Variants in LRRC7 observed in about 807,000 individuals in gnomAD.
LRRC7 encodes leucine-rich repeat-containing protein 7.
LRRC7 carries 23 observed loss-of-function variants against 175.7 expected under a neutral mutation model. The observed-to-expected ratio is 0.13, with a 90% CI of 0.09 to 0.19. The LOEUF (loss-of-function observed/expected upper bound fraction) is 0.19, where lower values mean the gene tolerates loss of function less well. LRRC7 is among the 10% of genes least tolerant of loss of function. The pLI, the probability that LRRC7 is intolerant of heterozygous loss-of-function variation, is 1.00. For synonymous variants in LRRC7, 685 were observed against 680.9 expected, an observed-to-expected ratio of 1.01 and a Z score of -0.09; for missense variants, 1,354 against 1,904.7, an observed-to-expected ratio of 0.71 and a Z score of 5.38.
rs553010253 is a variant in LRRC7 at position 69,908,960 on chromosome 1, C to T, written c.648-22547C>T. ...TTTATGAGTCTGGGTGCTCCTGTAT[C>T]GGGTGCATATATATTTAGGATAGTT... is the stretch of plus-strand genomic sequence containing the variant. On this transcript the variant is annotated intron_variant, in intron 7 of 26. Coordinates refer to ENST00000651989, the MANE Select transcript of LRRC7 (RefSeq NM_001370785.2). 6.0e-3 allele frequency among the ~76,000 whole-genome samples: 906 copies of T among 151,252 alleles called. 2 individuals are homozygous for T. Among genetic ancestry groups the T allele is most frequent in the African/African-American group, 0.02 (816 of 40,776 alleles).
chr1:69,569,646 G>A (rs1036268316), intron 1 of LRRC7, among the ~76,000 whole-genome samples: 1 of 151,942 alleles, frequency 6.6e-6, no homozygotes, highest in Non-Finnish European at 1.5e-5. Flanking sequence ...TCATAATAAC[G>A]GAGATGGCTG....
chr1:70,121,771 T>G lies in LRRC7; in HGVS notation c.4621-9T>G. The G allele has an allele frequency of 1.9e-6, 3 of 1,561,908 alleles. No individual in the cohort carries two copies. The highest frequency in any genetic ancestry group is 2.6e-6 in the Non-Finnish European group (3 of 1,136,020). ...CATTGATTGCCCTGTTTTATTTGTG[T>G]ATTTACAGGCAAATGGACACAGTTT... On this transcript the variant is annotated splice_polypyrimidine_tract_variant and intron_variant, in intron 26 of 26. Transcript: ENST00000651989.
chr1:69,913,615 G>T (rs781296656), intron 7 of LRRC7, among the ~76,000 whole-genome samples: 1 of 152,018 alleles, frequency 6.6e-6, no homozygotes, highest in Non-Finnish European at 1.5e-5. Context: ...GGGTTCAAGC[G>T]ATTCTCCTGC....
chr1:69,914,106 T>G (rs1313857116), intron 7 of LRRC7, among the ~76,000 whole-genome samples: 6 of 152,152 alleles, frequency 3.9e-5, no homozygotes, highest in Non-Finnish European at 8.8e-5. Flanking sequence ...CCTGTCCTTG[T>G]GCCATGAATA....
At chr1:69,830,246 C>T (rs1006522427) in intron 5 of LRRC7, among the ~76,000 whole-genome samples, 3 of 151,696 alleles carry the variant, frequency 2.0e-5, no homozygotes, top group Non-Finnish European at 4.4e-5. Flanking sequence ...TAGTAAATTA[C>T]AGTACATCTA....
chr1:69,642,468 T>A (rs1018350843), intron 1 of LRRC7, among the ~76,000 whole-genome samples: 7 of 152,012 alleles, frequency 4.6e-5, no homozygotes, highest in Non-Finnish European at 8.8e-5. Context: ...AGTAAGGAGA[T>A]CTATTATAGT....
At chr1:70,117,263 A>T (rs971660785) in intron 26 of LRRC7, among the ~76,000 whole-genome samples, 2 of 152,196 alleles carry the variant, frequency 1.3e-5, no homozygotes, top group African/African-American at 4.8e-5. Context: ...AGAGCTTTGG[A>T]TAATAAGAAT....
intron 1 of LRRC7, among the ~76,000 whole-genome samples, chr1:69,620,592 T>C (rs1452376058): frequency 2.0e-5 from 3 of 152,162 alleles, no homozygotes; most frequent in Non-Finnish European, 2.9e-5. Context: ...AGTGTCTTGG[T>C]GTATGTCCAG....
intron 7 of LRRC7, among the ~76,000 whole-genome samples, chr1:69,880,322 G>C (rs2101609158): frequency 6.6e-6 from 1 of 152,288 alleles, no homozygotes; most frequent in East Asian, 1.9e-4. Flanking sequence ...GAGGTGAGAG[G>C]ACATCAGGAG....
chr1:69,655,959 A>G (rs967714574), intron 1 of LRRC7, among the ~76,000 whole-genome samples: 4 of 152,050 alleles, frequency 2.6e-5, no homozygotes, highest in African/African-American at 9.7e-5. Context: ...TACATATTGA[A>G]ATTAATGTTT....
intron 2 of LRRC7, among the ~76,000 whole-genome samples, chr1:69,693,879 T>C (rs891838298): frequency 9.2e-5 from 14 of 152,334 alleles, no homozygotes; most frequent in African/African-American, 3.4e-4. Flanking sequence ...TTAACAGTAC[T>C]TTGTATTTTA....
At chr1:69,755,613 A>G (rs1326616975) in intron 2 of LRRC7, among the ~76,000 whole-genome samples, 1 of 151,726 alleles carries the variant, frequency 6.6e-6, no homozygotes, top group African/African-American at 2.4e-5. Context: ...CAACATTATA[A>G]CAAAGTACCC....
intron 1 of LRRC7, among the ~76,000 whole-genome samples, chr1:69,616,492 A>C (rs1314901051): frequency 6.6e-6 from 1 of 152,076 alleles, no homozygotes; most frequent in Non-Finnish European, 1.5e-5. Flanking sequence ...TTAAGCAATC[A>C]AAGTTTCGGC....
intron 8 of LRRC7, among the ~76,000 whole-genome samples, chr1:69,940,028 C>T (rs570740416): frequency 9.2e-5 from 14 of 152,178 alleles, no homozygotes; most frequent in African/African-American, 1.7e-4. Flanking sequence ...TAAATACATA[C>T]GCACAGGCAA....
chr1:69,964,405 C>T (rs1365715162), intron 8 of LRRC7, among the ~76,000 whole-genome samples: 1 of 152,154 alleles, frequency 6.6e-6, no homozygotes, highest in Admixed American at 6.5e-5. Flanking sequence ...TGAACTCAGT[C>T]CACCTCCTGA....
At chr1:69,765,821 T>C (rs1671564780) in intron 3 of LRRC7, among the ~76,000 whole-genome samples, 1 of 152,102 alleles carries the variant, frequency 6.6e-6, no homozygotes, top group African/African-American at 2.4e-5. Context: ...AGACATTCTA[T>C]CTAGACTCCT....
At chr1:69,694,212 G>A (rs1019049145) in intron 2 of LRRC7, among the ~76,000 whole-genome samples, 1 of 152,100 alleles carries the variant, frequency 6.6e-6, no homozygotes, top group East Asian at 1.9e-4. Context: ...TTCCCTTAGG[G>A]CAAGGCAATT....
At chr1:70,024,886 T>A (rs1329438529) in intron 17 of LRRC7, among the ~76,000 whole-genome samples, 1 of 152,106 alleles carries the variant, frequency 6.6e-6, no homozygotes, top group African/African-American at 2.4e-5. Flanking sequence ...TAAATTATAG[T>A]TTCATCTTTA....
rs1667682632 is a variant in LRRC7 at position 69,732,457 on chromosome 1, G to A, written c.101-27734G>A. Reference sequence around the variant, plus strand: ...TTTTAAAAAAGTCCCTGAAAACTTAGAAATAAAGGATCCAATAGTTTTCCC... The same window carrying A: ...TTTTAAAAAAGTCCCTGAAAACTTAAAAATAAAGGATCCAATAGTTTTCCC... On this transcript the variant is annotated intron_variant, in intron 2 of 26. Coordinates refer to ENST00000651989, the MANE Select transcript of LRRC7 (RefSeq NM_001370785.2). Among the ~76,000 whole-genome samples the A allele has an allele frequency of 2.6e-5, 4 of 151,946 alleles. No individual in the cohort carries two copies. In the South Asian group the frequency reaches 8.3e-4, roughly 31 times the overall value.
Sources: allele counts gnomAD v4.1 joint callset (sites outside exome capture counted in the v4.1 genomes callset), GRCh38; gene constraint gnomAD v4.1.1; transcripts MANE v1.5; gene names NCBI Gene and HGNC (gene_info 2026-07-23, HGNC 2026-07-21).